LMX1A: variants seen among roughly 807,000 people sequenced by gnomAD.
LMX1A encodes LIM homeobox transcription factor 1-alpha.
In LMX1A, 15 loss-of-function variants were observed where a neutral mutation model predicts 49.1. The ratio of observed to expected loss-of-function variants is 0.31; its 90% CI spans 0.20 to 0.47. LMX1A has a LOEUF of 0.47. LMX1A is among the 20% of genes least tolerant of loss of function. LMX1A has a pLI of 1.00. For synonymous variants in LMX1A, 167 were observed against 185.7 expected (o/e 0.90, Z 0.82); for missense variants, 372 against 475.8 (o/e 0.78, Z 2.03).
intron 3 of LMX1A, among the ~76,000 whole-genome samples, chr1:165,259,045 T>A (rs1653343369): frequency 6.6e-6 from 1 of 152,220 alleles, no homozygotes; most frequent in Admixed American, 6.5e-5. Context: ...CTCCCTTTAT[T>A]AAAATCAGTT....
Position 165,290,441 on chromosome 1 carries a change from C to CGTGT in LMX1A, c.264-40805_264-40802dup, listed in dbSNP as rs34305063. Among the ~76,000 whole-genome samples, 612 of 149,948 alleles carry CGTGT rather than the reference C, an allele frequency of 4.1e-3. 5 individuals are homozygous for CGTGT. The highest frequency in any genetic ancestry group is 3.3e-3 in the Non-Finnish European group (221 of 67,366). On this transcript the variant is annotated intron_variant, in intron 3 of 8. Coordinates refer to ENST00000342310, the MANE Select transcript of LMX1A (RefSeq NM_177398.4). Reference sequence around the variant, plus strand: ...TCTCTGCCTGTCTTCACATTGCCTTCGTGTGTGTGTGTGTGTGTGTGTGTT... The same window carrying CGTGT: ...TCTCTGCCTGTCTTCACATTGCCTTCGTGTGTGTGTGTGTGTGTGTGTGTGTGTT...
At chr1:165,248,086 C>T (rs1269469085) in intron 4 of LMX1A, among the ~76,000 whole-genome samples, 2 of 152,138 alleles carry the variant, frequency 1.3e-5, no homozygotes, top group Non-Finnish European at 2.9e-5. Flanking sequence ...CATGTAACTA[C>T]AATGAAGTAA....
At chr1:165,249,063 G>A (rs1394754024) in intron 4 of LMX1A, among the ~76,000 whole-genome samples, 1 of 152,150 alleles carries the variant, frequency 6.6e-6, no homozygotes, top group Non-Finnish European at 1.5e-5. Context: ...TCTACAGGCT[G>A]GAGCTAAGCT....
chr1:165,322,182 T>C (rs1476043652), intron 3 of LMX1A, among the ~76,000 whole-genome samples: 2 of 152,084 alleles, frequency 1.3e-5, no homozygotes, highest in Non-Finnish European at 2.9e-5. Context: ...ATAATGAGTG[T>C]TGGTGAGGAT....
intron 3 of LMX1A, among the ~76,000 whole-genome samples, chr1:165,316,797 A>G (rs906265): frequency 0.87 from 132,494 of 152,012 alleles, 58,205 homozygotes; most frequent in Non-Finnish European, 0.93. Flanking sequence ...AGGAGTTGGA[A>G]AGAAGCCCAG....
At position 165,297,198 on chromosome 1, in the gene LMX1A, T is replaced by C. The variant is rs557673682; in HGVS notation, c.264-47558A>G. On this transcript the variant is annotated intron_variant, in intron 3 of 8. Coordinates refer to ENST00000342310, the MANE Select transcript of LMX1A (RefSeq NM_177398.4). The stretch of plus-strand genomic sequence containing the variant: ...CAAACCCTTCCCACTTCTGCCCTTG[T>C]GTTCACCCAGGTGCTGGAAATCTCT... Among the ~76,000 whole-genome samples the C allele has an allele frequency of 8.5e-5, 13 of 152,354 alleles. 2 individuals are homozygous for C. Among genetic ancestry groups the C allele is most frequent in the African/African-American group, 3.1e-4 (13 of 41,590 alleles).
At chr1:165,238,551 G>T (rs990731012) in intron 4 of LMX1A, among the ~76,000 whole-genome samples, 12 of 58,570 alleles carry the variant, frequency 2.0e-4, no homozygotes, top group Non-Finnish European at 3.6e-4. Flanking sequence ...TTAATGATTA[G>T]GGAGGAACTG....
intron 4 of LMX1A, among the ~76,000 whole-genome samples, chr1:165,222,196 C>T (rs1261004646): frequency 6.6e-6 from 1 of 152,122 alleles, no homozygotes; most frequent in Non-Finnish European, 1.5e-5. Context: ...CTAACTGAAA[C>T]CATAACTCGT....
chr1:165,354,334 C>A (rs1557894535), intron 2 of LMX1A, among the ~76,000 whole-genome samples: 1 of 152,104 alleles, frequency 6.6e-6, no homozygotes, highest in South Asian at 2.1e-4. Context: ...CGAGATAGAT[C>A]CCAATTTTAC....
intron 4 of LMX1A, among the ~76,000 whole-genome samples, chr1:165,234,675 T>C (rs960754709): frequency 3.9e-5 from 6 of 152,190 alleles, no homozygotes; most frequent in African/African-American, 1.4e-4. Context: ...ATGGACTTAG[T>C]GAGACTAATT....
chr1:165,215,036 G>A (rs1340060882), intron 4 of LMX1A, among the ~76,000 whole-genome samples: 1 of 152,126 alleles, frequency 6.6e-6, no homozygotes, highest in Non-Finnish European at 1.5e-5. Flanking sequence ...GCCATAGGCA[G>A]GCCGGGTGTG....
chr1:165,263,402 T>G (rs762029931), intron 3 of LMX1A, among the ~76,000 whole-genome samples: 13 of 152,312 alleles, frequency 8.5e-5, no homozygotes, highest in Non-Finnish European at 1.5e-4. Context: ...GGCACCTATA[T>G]CTTACCTGTT....
chr1:165,319,501 A>G (rs1655319613), intron 3 of LMX1A, among the ~76,000 whole-genome samples: 1 of 152,122 alleles, frequency 6.6e-6, no homozygotes, highest in East Asian at 1.9e-4. Flanking sequence ...CCAAGATATG[A>G]TAAATAAATA....
chr1:165,269,307 C>T (rs868352338), intron 3 of LMX1A, among the ~76,000 whole-genome samples: 17 of 152,302 alleles, frequency 1.1e-4, no homozygotes, highest in Middle Eastern at 3.4e-3. Flanking sequence ...ATAGACATTG[C>T]GGATAAGAGT....
intron 5 of LMX1A, among the ~76,000 whole-genome samples, chr1:165,211,942 C>T (rs1173880183): frequency 1.3e-5 from 2 of 152,084 alleles, no homozygotes; most frequent in Non-Finnish European, 2.9e-5. Context: ...TGGAAGCTGC[C>T]CGGGGACAAG....
At chr1:165,325,244 T>C (rs564272680) in intron 3 of LMX1A, among the ~76,000 whole-genome samples, 1 of 152,176 alleles carries the variant, frequency 6.6e-6, no homozygotes, top group Non-Finnish European at 1.5e-5. Flanking sequence ...TATAATCAGT[T>C]TGTTCCCCTT....
intron 3 of LMX1A, among the ~76,000 whole-genome samples, chr1:165,321,843 T>C (rs1177143793): frequency 6.6e-6 from 1 of 152,122 alleles, no homozygotes; most frequent in African/African-American, 2.4e-5. Context: ...GGAGAAAATA[T>C]TTGCAAATCA....
intron 3 of LMX1A, among the ~76,000 whole-genome samples, chr1:165,262,255 TG>T (rs1571187027): frequency 6.6e-6 from 1 of 152,290 alleles, no homozygotes; most frequent in East Asian, 1.9e-4. Context: ...CTTAATAAAA[TG>T]AGACAATCTC....
At chr1:165,339,108 C>T (rs1655987985) in intron 3 of LMX1A, among the ~76,000 whole-genome samples, 1 of 152,190 alleles carries the variant, frequency 6.6e-6, no homozygotes, top group South Asian at 2.1e-4. Flanking sequence ...AAAGCAGAGG[C>T]AAAGACAGAA....
Sources: allele counts gnomAD v4.1 joint callset (sites outside exome capture counted in the v4.1 genomes callset), GRCh38; gene constraint gnomAD v4.1.1; transcripts MANE v1.5; gene names NCBI Gene and HGNC (gene_info 2026-07-23, HGNC 2026-07-21).